Variants in PTPRN2 observed in about 807,000 individuals in gnomAD.
PTPRN2 encodes the protein protein tyrosine phosphatase receptor type N2, also known as receptor-type tyrosine-protein phosphatase N2.
Under a neutral mutation model 118.8 loss-of-function variants are expected in PTPRN2, and 74 were observed. The observed-to-expected ratio is 0.62, with a 90% CI of 0.52 to 0.76. PTPRN2 has a LOEUF of 0.76. Among genes scored for constraint, PTPRN2 ranks in the 30% least tolerant of loss-of-function variants. The pLI is 0.00. For missense variants in PTPRN2, 1,481 were observed against 1,394.4 expected, an observed-to-expected ratio of 1.06 and a Z score of -0.99; for synonymous variants, 641 against 608.0, an observed-to-expected ratio of 1.05 and a Z score of -0.80.
chr7:157,607,631 A>T (rs1176288247), intron 15 of PTPRN2, among the ~76,000 whole-genome samples: 1 of 152,222 alleles, frequency 6.6e-6, no homozygotes, highest in East Asian at 1.9e-4. Flanking sequence ...CAGAGGAGGC[A>T]TCAGGGCAGC....
At chr7:157,586,854 C>T (rs1267523305) in intron 17 of PTPRN2, among the ~76,000 whole-genome samples, 1 of 152,228 alleles carries the variant, frequency 6.6e-6, no homozygotes, top group Non-Finnish European at 1.5e-5. Context: ...GGGCCGTGAA[C>T]CAGCTCGGGC....
chr7:158,174,826 C>G (rs1824037491), intron 5 of PTPRN2, among the ~76,000 whole-genome samples: 1 of 152,182 alleles, frequency 6.6e-6, no homozygotes, highest in Admixed American at 6.5e-5. Flanking sequence ...AGAGCCACGC[C>G]CTGCACCATA....
intron 2 of PTPRN2, among the ~76,000 whole-genome samples, chr7:158,412,552 C>T (rs1245708901): frequency 8.2e-6 from 1 of 121,964 alleles, no homozygotes; most frequent in Non-Finnish European, 1.7e-5. Context: ...ATCTCAGCAC[C>T]CTCCTCAGCA....
chr7:157,723,198 A>G (rs1799339894), intron 12 of PTPRN2, among the ~76,000 whole-genome samples: 1 of 152,194 alleles, frequency 6.6e-6, no homozygotes. Flanking sequence ...TGAACATAGA[A>G]TGTGGGGCCC....
rs892525271 is a variant in PTPRN2, at chr7:157,953,853, A to G, written c.1724-55116T>C. Among the ~76,000 whole-genome samples the G allele has an allele frequency of 6.6e-6, 1 of 152,080 alleles. No individual in the cohort carries two copies. The highest frequency in any genetic ancestry group is 1.5e-5 in the Non-Finnish European group (1 of 68,012). On this transcript the variant is annotated intron_variant, in intron 11 of 22. Transcript: ENST00000389418. This position sits in a 1 kb window ranked among gnomAD's most constrained non-coding sequence, Gnocchi z 4.6. ...AGCGGTGCTGGAGAAATGTAAGCAA[A>G]TCCGCATTTCGAAGCAGAAATCGCT...
chr7:157,777,462 A>G (rs974616989), intron 12 of PTPRN2, among the ~76,000 whole-genome samples: 4 of 146,554 alleles, frequency 2.7e-5, no homozygotes, highest in Non-Finnish European at 6.1e-5. Flanking sequence ...AGTGCCCCAC[A>G]CTGCTAAGCT....
chr7:158,123,142 T>A (rs1178564902), intron 9 of PTPRN2, among the ~76,000 whole-genome samples: 1 of 152,250 alleles, frequency 6.6e-6, no homozygotes, highest in Non-Finnish European at 1.5e-5. Context: ...AACCAATAGA[T>A]AAACGAGGTT....
chr7:157,709,108 C>A (rs1798472526), intron 12 of PTPRN2, among the ~76,000 whole-genome samples: 1 of 152,142 alleles, frequency 6.6e-6, no homozygotes, highest in Non-Finnish European at 1.5e-5. Context: ...GGGAGTGAGG[C>A]CCCTGGTCAG....
chr7:158,001,588 G>C (rs1025198575), intron 11 of PTPRN2, among the ~76,000 whole-genome samples: 4 of 152,008 alleles, frequency 2.6e-5, no homozygotes, highest in African/African-American at 9.7e-5. Context: ...TCAGCCTCAC[G>C]GGCGCTCCCA....
intron 2 of PTPRN2, among the ~76,000 whole-genome samples, chr7:158,452,805 G>A (rs1230657879): frequency 2.6e-5 from 4 of 152,232 alleles, no homozygotes; most frequent in Admixed American, 6.5e-5. Flanking sequence ...CATTTGGGGC[G>A]GCTGTTGCAG....
rs78613449 is a variant in PTPRN2, at chr7:157,996,370, C to G, written c.1723+84928G>C. Among the ~76,000 whole-genome samples the G allele has an allele frequency of 5.7e-3, 863 of 152,372 alleles. 7 individuals carry two copies. Among genetic ancestry groups the G allele is most frequent in the African/African-American group, 0.02 (832 of 41,598 alleles). On this transcript the variant is annotated intron_variant, in intron 11 of 22. Transcript: ENST00000389418. ...TACACTCAAAGCCCAGACTTCACCA[C>G]TACACAACAGATCCACGTAGTAAGA...
chr7:157,931,722 G>T (rs1799368491), intron 11 of PTPRN2, among the ~76,000 whole-genome samples: 1 of 152,056 alleles, frequency 6.6e-6, no homozygotes, highest in Non-Finnish European at 1.5e-5. Context: ...TGTAGCTTTG[G>T]TAAGCTAAAT....
chr7:158,486,285 C>T (rs1821016017), intron 2 of PTPRN2, among the ~76,000 whole-genome samples: 1 of 152,238 alleles, frequency 6.6e-6, no homozygotes. Context: ...AGCTCACTTC[C>T]CGACATAAGC....
At chr7:158,532,675 G>A in intron 1 of PTPRN2, 1 of 530,882 alleles carries the variant, frequency 1.9e-6, no homozygotes, top group South Asian at 1.4e-5. Context: ...GGAACAGCAT[G>A]GAACATGGCA....
intron 3 of PTPRN2, among the ~76,000 whole-genome samples, chr7:158,265,649 T>C (rs947171362): frequency 3.9e-5 from 6 of 152,178 alleles, no homozygotes; most frequent in African/African-American, 1.4e-4. Context: ...GAGAAGTGCC[T>C]CAGCAGGAGG....
Position 158,285,726 on chromosome 7 carries a change from A to G in PTPRN2, c.277+31093T>C, listed in dbSNP as rs944956180. 4.6e-5 allele frequency among the ~76,000 whole-genome samples: 7 copies of G among 152,352 alleles called. No individual in the cohort carries two copies. The East Asian group carries it at 5.8e-4, about 13-fold the overall frequency. On this transcript the variant is annotated intron_variant, in intron 3 of 22. Transcript: ENST00000389418. ...ATCAGGGTGGAATGAGGAGTGGAAC[A>G]GCGTAGAGCGCGGGCTGTCTATGTC...
intron 19 of PTPRN2, among the ~76,000 whole-genome samples, chr7:157,573,308 C>G (rs1799852798): frequency 6.6e-6 from 1 of 152,258 alleles, no homozygotes; most frequent in Admixed American, 6.5e-5. Context: ...AGTGGCTTTG[C>G]TTTGAAAGGC....
rs1233544685 is a variant in PTPRN2, at chr7:158,526,696, G to A, written c.113-36911C>T. Among the ~76,000 whole-genome samples the A allele has an allele frequency of 5.9e-5, 9 of 152,132 alleles. No individual in the cohort carries two copies. Among genetic ancestry groups the A allele is most frequent in the Non-Finnish European group, 7.4e-5 (5 of 68,026 alleles). ...CGCCGGATGGGCCCGGATCCAGGCT[G>A]ACTGGGTCCTTATGGAGGAGGAGGT... is the stretch of plus-strand genomic sequence containing the variant. On this transcript the variant is annotated intron_variant, in intron 1 of 22. Coordinates refer to ENST00000389418, the MANE Select transcript of PTPRN2 (RefSeq NM_002847.5). The surrounding 1 kb of genome is among the most constrained non-coding windows in gnomAD (Gnocchi z 5.2).
chr7:158,340,724 T>G, intron 2 of PTPRN2, among the ~76,000 whole-genome samples: 1 of 43,698 alleles, frequency 2.3e-5, no homozygotes, highest in Non-Finnish European at 5.1e-5. Flanking sequence ...ACACCCACAC[T>G]CACCATAAGA....
Sources: gnomAD v4.1 joint callset for allele counts (sites outside exome capture counted in the v4.1 genomes callset) on GRCh38, gnomAD v4.1.1 for gene constraint, Gnocchi (gnomAD v3.1) non-coding constraint, MANE v1.5 for transcripts, NCBI Gene and HGNC (gene_info 2026-07-23, HGNC 2026-07-21) for gene names.